The following CHRM1 variants were observed in gnomAD, a reference collection of about 807,000 sequenced individuals.
CHRM1 encodes the protein cholinergic receptor muscarinic 1, also known as muscarinic acetylcholine receptor M1.
A neutral mutation model predicts 31.6 loss-of-function variants in CHRM1; 5 were observed. The observed-to-expected ratio is 0.16, with a 90% CI of 0.08 to 0.33. The LOEUF is 0.33. CHRM1 is among the 10% of genes least tolerant of loss of function. The pLI, the probability that CHRM1 is intolerant of heterozygous loss-of-function variation, is 1.00. For missense variants in CHRM1, 338 were observed against 610.3 expected, an observed-to-expected ratio of 0.55 and a Z score of 4.70; for synonymous variants, 227 against 249.7, an observed-to-expected ratio of 0.91 and a Z score of 0.86.
intron 1 of CHRM1, among the ~76,000 whole-genome samples, chr11:62,920,437 C>T (rs11824018): frequency 6.6e-6 from 1 of 152,144 alleles, no homozygotes; most frequent in Admixed American, 6.5e-5. Context: ...TCTGCGGGCA[C>T]TGGGGTGAGT....
rs376114123 is a variant in CHRM1, at chr11:62,911,106, C to G, written c.-6G>C. ...GGTGGGGCTGAAGTGTTCATGGTGG[C>G]TAGGTGGGGCTGGGGTTGGAGAGCC... is the stretch of plus-strand genomic sequence containing the variant. On this transcript the variant is annotated 5_prime_UTR_variant, in exon 2 of 2. Transcript: ENST00000306960. 3 of 1,611,546 alleles carry G rather than the reference C, an allele frequency of 1.9e-6. No individual in the cohort carries two copies. Among genetic ancestry groups the G allele is most frequent in the African/African-American group, 2.7e-5 (2 of 74,860 alleles).
chr11:62,910,747 G>A lies in CHRM1; in HGVS notation c.354C>T (p.Leu118=), dbSNP rs759000468. 4.3e-6 allele frequency: 7 copies of A among 1,614,184 alleles called. No homozygotes were observed. Among genetic ancestry groups the A allele is most frequent in the Admixed American group, 1.7e-5 (1 of 60,020 alleles). ...CGGAGAAGTAGCGGTCAAAGCTGAT[G>A]AGCAGCAGATTCATGACGGAGGCAT... is the stretch of plus-strand genomic sequence containing the variant. The part of the protein sequence containing the change: ...ASNASVMNLL[L]ISFDRYFSVT... Residue 118 remains leucine (L), a synonymous_variant, in exon 2 of 2, where the codon CTC becomes CTT. Transcript: ENST00000306960. The surrounding 1 kb of genome is among the most constrained non-coding windows in gnomAD (Gnocchi z 8.7).
chr11:62,917,435 C>T (rs1250430036), intron 1 of CHRM1, among the ~76,000 whole-genome samples: 1 of 152,208 alleles, frequency 6.6e-6, no homozygotes, highest in Non-Finnish European at 1.5e-5. Context: ...CAGTGGGCAG[C>T]AGGAAGACCC....
Position 62,909,743 on chromosome 11 carries a change from T to C in CHRM1, c.1358A>G (p.His453Arg), listed in dbSNP as rs1409398572. Residue 453 changes from histidine to arginine, a missense_variant, in exon 2 of 2, where the codon CAC becomes CGC. His to Arg is a conservative substitution (Grantham distance 29). Transcript: ENST00000306960. The part of the protein sequence containing the change: ...RKIPKRPGSV[H>R]RTPSRQC ...TCAGCATTGGCGGGAGGGAGTGCGG[T>C]GCACGGAGCCAGGGCGCTTGGGGAT... The C allele has an allele frequency of 6.2e-7, 1 of 1,613,782 alleles. No individual in the cohort carries two copies. Among genetic ancestry groups the C allele is most frequent in the Non-Finnish European group, 8.5e-7 (1 of 1,179,832 alleles).
rs56995061 is a variant in CHRM1, at chr11:62,914,559, C to T, written c.-78-3381G>A. ...CAGTGAGGCCACTGGTAGACACTAC[C>T]CTTGAGAATTTGTGCAATTCTTGTC... On this transcript the variant is annotated intron_variant, in intron 1 of 1. Coordinates refer to ENST00000306960, the MANE Select transcript of CHRM1 (RefSeq NM_000738.3). Among the ~76,000 whole-genome samples the T allele has an allele frequency of 4.2e-3, 636 of 152,302 alleles. 18 individuals are homozygous for T. The East Asian group carries it at 0.072, about 17-fold the overall frequency.
intron 1 of CHRM1, among the ~76,000 whole-genome samples, chr11:62,918,985 A>G (rs1292456157): frequency 2.0e-5 from 3 of 152,018 alleles, no homozygotes; most frequent in Non-Finnish European, 4.4e-5. Flanking sequence ...GGAAGCTGGT[A>G]GAGTCCTGGT....
chr11:62,909,452 C>A lies in CHRM1; in HGVS notation c.*266G>T, dbSNP rs1179883264. On this transcript the variant is annotated 3_prime_UTR_variant, in exon 2 of 2. Transcript: ENST00000306960. ...ACAAGGAGTCCAAAGCCCGGATCCTCCTCCCGGGCCTTCTTCCTGGTGAAG... is the reference window on the plus strand; with the variant it reads ...ACAAGGAGTCCAAAGCCCGGATCCTACTCCCGGGCCTTCTTCCTGGTGAAG... The A allele has an allele frequency of 3.9e-6, 2 of 507,954 alleles. No homozygotes were observed. The highest frequency in any genetic ancestry group is 7.0e-6 in the Non-Finnish European group (2 of 285,870). The allele number at this position is 507,954 out of a possible 1,614,324, so 31.5% of individuals were successfully genotyped here.
Position 62,909,380 on chromosome 11 carries a change from T to G in CHRM1, c.*338A>C. 1 of 300,746 alleles carries G rather than the reference T, an allele frequency of 3.3e-6. No individual in the cohort carries two copies. The highest frequency in any genetic ancestry group is 6.2e-6 in the Non-Finnish European group (1 of 161,450). The allele number at this position is 300,746 out of a possible 1,614,324, so 18.6% of individuals were successfully genotyped here. On this transcript the variant is annotated 3_prime_UTR_variant, in exon 2 of 2. Coordinates refer to ENST00000306960, the MANE Select transcript of CHRM1 (RefSeq NM_000738.3). ...AGGAATACTTAATGTTAAGCCTTCT[T>G]TCTCCTGGCCCGCCCTGCTGGCTCC...
intron 1 of CHRM1, among the ~76,000 whole-genome samples, chr11:62,917,314 C>T (rs1262195810): frequency 6.6e-6 from 1 of 152,186 alleles, no homozygotes; most frequent in Non-Finnish European, 1.5e-5. Flanking sequence ...GGACTTAGGA[C>T]AGCCAGCTGG....
rs2085856947 is a variant in CHRM1 at position 62,909,710 on chromosome 11, G to A, written c.*8C>T. The A allele has an allele frequency of 6.2e-7, 1 of 1,612,846 alleles. No individual in the cohort carries two copies. Among genetic ancestry groups the A allele is most frequent in the Non-Finnish European group, 8.5e-7 (1 of 1,179,364 alleles). ...GACTGGGGTGGAGGGATGCAGGAGA[G>A]GGGACTATCAGCATTGGCGGGAGGG... On this transcript the variant is annotated 3_prime_UTR_variant, in exon 2 of 2. Coordinates refer to ENST00000306960, the MANE Select transcript of CHRM1 (RefSeq NM_000738.3).
Position 62,910,430 on chromosome 11 carries a change from G to A in CHRM1, c.671C>T (p.Ala224Val). Residue 224 changes from alanine to valine, a missense_variant, in exon 2 of 2, where the codon GCC becomes GTC. Around this residue, in one of 4 missense-constraint regions of CHRM1, gnomAD observed 183 missense variants for 223.4 expected, o/e 0.82. Transcript: ENST00000306960. This position sits in a 1 kb window ranked among gnomAD's most constrained non-coding sequence, Gnocchi z 8.7. ...GCCTGGCGTCTCGGAGCCCTGAAGG[G>A]CTGCCAGCTCCCGTGCTCGGTTCTC... The part of the protein sequence containing the change: ...ETENRARELA[A>V]LQGSETPGKG... 3 of 1,613,334 alleles carry A rather than the reference G, an allele frequency of 1.9e-6. No homozygotes were observed. Among genetic ancestry groups the A allele is most frequent in the Non-Finnish European group, 2.5e-6 (3 of 1,180,040 alleles).
intron 1 of CHRM1, 25 bp from the exon 2 acceptor site, chr11:62,911,203 G>C: frequency 8.8e-7 from 1 of 1,134,406 alleles, no homozygotes. Context: ...CATGGGCTTT[G>C]GTTGGGCCAC....
rs780914362 is a variant in CHRM1 at position 62,909,758 on chromosome 11, C to G, written c.1343G>C (p.Arg448Pro). ...GGGAGTGCGGTGCACGGAGCCAGGG[C>G]GCTTGGGGATCTTGCGCCAGCGTCT... is the stretch of plus-strand genomic sequence containing the variant. ...DKRRWRKIPK[R>P]PGSVHRTPSR... Residue 448 changes from arginine to proline, a missense_variant, in exon 2 of 2, where the codon CGC becomes CCC. Physicochemically the swap from Arg to Pro is moderately radical, Grantham distance 103. Around this residue, in one of 4 missense-constraint regions of CHRM1, gnomAD observed 68 missense variants for 108.5 expected, o/e 0.63. Coordinates refer to ENST00000306960, the MANE Select transcript of CHRM1 (RefSeq NM_000738.3). The G allele has an allele frequency of 1.2e-6, 2 of 1,613,956 alleles. No individual in the cohort carries two copies. Among genetic ancestry groups the G allele is most frequent in the Non-Finnish European group, 1.7e-6 (2 of 1,179,946 alleles).
At position 62,909,886 on chromosome 11, in the gene CHRM1, C is replaced by A. The variant is rs1459987577; in HGVS notation, c.1215G>T (p.Trp405Cys). The A allele has an allele frequency of 6.2e-7, 1 of 1,614,248 alleles. No homozygotes were observed. The highest frequency in any genetic ancestry group is 1.7e-5 in the Admixed American group (1 of 60,036). The change falls in exon 2 of 2, where the codon TGG becomes TGT. Residue 405 changes from tryptophan to cysteine, a missense_variant. Around this residue, in one of 4 missense-constraint regions of CHRM1, gnomAD observed 68 missense variants for 108.5 expected, o/e 0.63. Transcript: ENST00000306960. The part of the protein sequence containing the change: ...VPETLWELGY[W>C]LCYVNSTINP... ...TGATGGTGCTGTTGACGTAGCACAGCCAGTAGCCCAGCTCCCACAGGGTCT... is the reference window on the plus strand; with the variant it reads ...TGATGGTGCTGTTGACGTAGCACAGACAGTAGCCCAGCTCCCACAGGGTCT...
At chr11:62,917,988 A>G (rs2085909538) in intron 1 of CHRM1, 1 of 152,176 alleles carries the variant, frequency 6.6e-6, no homozygotes. Context: ...AGGACCTTAC[A>G]GCTCATCAGC....
At chr11:62,920,450 C>T (rs995142573) in intron 1 of CHRM1, among the ~76,000 whole-genome samples, 1 of 152,180 alleles carries the variant, frequency 6.6e-6, no homozygotes, top group African/African-American at 2.4e-5. Context: ...GGGTGAGTAC[C>T]TGGCGTGGGT....
At chr11:62,917,866 T>C (rs1333875878) in intron 1 of CHRM1, 1 of 152,180 alleles carries the variant, frequency 6.6e-6, no homozygotes, top group East Asian at 1.9e-4. Context: ...CTCTAAGCAT[T>C]ATATACATAA....
At chr11:62,920,928 T>C (rs2085930139) in intron 1 of CHRM1, among the ~76,000 whole-genome samples, 1 of 152,106 alleles carries the variant, frequency 6.6e-6, no homozygotes, top group Non-Finnish European at 1.5e-5. Context: ...TAATCCCTTC[T>C]GGGCCTCAGG....
chr11:62,909,717 A>G lies in CHRM1; in HGVS notation c.*1T>C. 6.2e-7 allele frequency: 1 copy of G among 1,613,594 alleles called. No homozygotes were observed. Among genetic ancestry groups the G allele is most frequent in the Non-Finnish European group, 8.5e-7 (1 of 1,179,678 alleles). ...GTGGAGGGATGCAGGAGAGGGGACT[A>G]TCAGCATTGGCGGGAGGGAGTGCGG... On this transcript the variant is annotated 3_prime_UTR_variant, in exon 2 of 2. Coordinates refer to ENST00000306960, the MANE Select transcript of CHRM1 (RefSeq NM_000738.3).
Sources: allele counts gnomAD v4.1 joint callset (sites outside exome capture counted in the v4.1 genomes callset), GRCh38; gene constraint gnomAD v4.1.1; regional missense constraint gnomAD v4.1.1; non-coding constraint Gnocchi (gnomAD v3.1); transcripts MANE v1.5; gene names NCBI Gene and HGNC (gene_info 2026-07-23, HGNC 2026-07-21).